The following KIF24 variants were observed in gnomAD, a reference collection of about 807,000 sequenced individuals.
KIF24 encodes kinesin-like protein KIF24.
A neutral mutation model predicts 118.9 loss-of-function variants in KIF24; 81 were observed. That is an observed-to-expected ratio of 0.68 (90% CI 0.57 to 0.82). The LOEUF is 0.82. KIF24 is among the 40% of genes least tolerant of loss of function. The pLI, the probability that KIF24 is intolerant of heterozygous loss-of-function variation, is 0.00. For missense variants in KIF24, 1,560 were observed against 1,661.6 expected, an observed-to-expected ratio of 0.94 and a Z score of 1.06; for synonymous variants, 599 against 610.0, an observed-to-expected ratio of 0.98 and a Z score of 0.27.
At chr9:34,332,138 A>C (rs1212685073), upstream of KIF24, among the ~76,000 whole-genome samples, 1 of 152,188 alleles carries the variant, frequency 6.6e-6, no homozygotes, top group Admixed American at 6.5e-5. Flanking sequence ...AGTCTGACCA[A>C]ATTATACCCT....
chr9:34,289,774 T>C (rs1003589013), intron 5 of KIF24, among the ~76,000 whole-genome samples: 7 of 152,210 alleles, frequency 4.6e-5, no homozygotes, highest in African/African-American at 1.7e-4. Flanking sequence ...GTGTTTACCC[T>C]AAGATTATTT....
At chr9:34,327,157 GAC>G (rs561703889) in intron 1 of KIF24, among the ~76,000 whole-genome samples, 20 of 152,118 alleles carry the variant, frequency 1.3e-4, no homozygotes, top group South Asian at 1.2e-3. Context: ...GGTATACAAT[GAC>G]CATACACTCA....
intron 6 of KIF24, among the ~76,000 whole-genome samples, chr9:34,276,070 T>C (rs1835650132): frequency 6.6e-6 from 1 of 152,078 alleles, no homozygotes; most frequent in African/African-American, 2.4e-5. Context: ...CACTACACTG[T>C]GGGGCACTTA....
At chr9:34,319,141 T>A in intron 1 of KIF24, 1 of 1,574,154 alleles carries the variant, frequency 6.4e-7, no homozygotes, top group Admixed American at 1.7e-5. Flanking sequence ...ACAACTACTA[T>A]GACAATGAGA....
At chr9:34,267,969 A>AG (rs1161640066) in intron 8 of KIF24, among the ~76,000 whole-genome samples, 5 of 152,248 alleles carry the variant, frequency 3.3e-5, no homozygotes, top group African/African-American at 1.2e-4. Context: ...ACACTGATAT[A>AG]GAAAAAATGA....
chr9:34,293,250 C>T (rs7044114), intron 4 of KIF24, among the ~76,000 whole-genome samples: 6,962 of 152,114 alleles, frequency 0.046, 570 homozygotes, highest in African/African-American at 0.16. Context: ...GAGGCTGAGG[C>T]AGGCGGATCA....
At chr9:34,333,257 C>G (rs931621211), upstream of KIF24, among the ~76,000 whole-genome samples, 1 of 152,080 alleles carries the variant, frequency 6.6e-6, no homozygotes, top group Non-Finnish European at 1.5e-5. Context: ...ACGGCCCTCT[C>G]CCCCCAACTA....
At chr9:34,262,676 ATATATATATATATAT>A (rs1262763521) in intron 9 of KIF24, among the ~76,000 whole-genome samples, 1 of 13,238 alleles carries the variant, frequency 7.6e-5, no homozygotes, top group Admixed American at 1.2e-3. Context: ...AAAAAAAAAA[ATATATATATATATAT>A]ATATATATAT....
intron 1 of KIF24, chr9:34,319,434 C>T (rs1216011284): frequency 9.4e-7 from 1 of 1,066,998 alleles, no homozygotes; most frequent in Non-Finnish European, 1.5e-6. Context: ...CAAGAAGGAC[C>T]TGTACCTGAC....
At chr9:34,288,618 G>GAT (rs145909679) in intron 5 of KIF24, among the ~76,000 whole-genome samples, 3,702 of 149,478 alleles carry the variant, frequency 0.025, 140 homozygotes, top group African/African-American at 0.08. Flanking sequence ...CAATTAAATG[G>GAT]ATATATATAT....
rs147748306 is a variant in KIF24, at chr9:34,294,019, G to C, written c.911+2998C>G. Among the ~76,000 whole-genome samples, 864 of 152,300 alleles carry C rather than the reference G, an allele frequency of 5.7e-3. 4 individuals are homozygous for C. The highest frequency in any genetic ancestry group is 0.02 in the Middle Eastern group (6 of 294). On this transcript the variant is annotated intron_variant, in intron 4 of 12. Coordinates refer to ENST00000402558, the MANE Select transcript of KIF24 (RefSeq NM_194313.4). ...GGGTCTTGCTCTGTTGCCCAGGCTGGAGTGTAGTGATCACAGATTATTGCA... is the reference window on the plus strand; with the variant it reads ...GGGTCTTGCTCTGTTGCCCAGGCTGCAGTGTAGTGATCACAGATTATTGCA...
At chr9:34,309,313 G>C (rs1199901305) in intron 2 of KIF24, among the ~76,000 whole-genome samples, 1 of 152,010 alleles carries the variant, frequency 6.6e-6, no homozygotes, top group South Asian at 2.1e-4. Context: ...AGGCTGAGGC[G>C]GGTGGATCAC....
chr9:34,271,211 A>G (rs1019871229), intron 7 of KIF24, among the ~76,000 whole-genome samples: 1 of 152,122 alleles, frequency 6.6e-6, no homozygotes, highest in Admixed American at 6.5e-5. Context: ...TTTATGAGAA[A>G]GTATGACTAA....
intron 4 of KIF24, among the ~76,000 whole-genome samples, chr9:34,292,202 C>T (rs1394072884): frequency 6.6e-6 from 1 of 152,176 alleles, no homozygotes; most frequent in Non-Finnish European, 1.5e-5. Context: ...ACATGAAGAA[C>T]TATTTTCTCC....
intron 6 of KIF24, among the ~76,000 whole-genome samples, chr9:34,278,819 G>A (rs974500773): frequency 3.9e-5 from 6 of 152,082 alleles, no homozygotes; most frequent in Non-Finnish European, 5.9e-5. Context: ...GCTACAATAG[G>A]AAGTAATGAT....
At chr9:34,263,043 T>G in intron 9 of KIF24, 58 bp downstream of exon 9, 35 of 1,308,442 alleles carry the variant, frequency 2.7e-5, no homozygotes, top group Non-Finnish European at 3.5e-5. Context: ...AACAAATACA[T>G]GAAATAAGGA....
chr9:34,288,848 C>CCA (rs10537521), intron 5 of KIF24, among the ~76,000 whole-genome samples: 3,977 of 138,900 alleles, frequency 0.029, 82 homozygotes, highest in African/African-American at 0.054. Context: ...CCCAAATAAA[C>CCA]CACACACACA....
chr9:34,309,288 T>G (rs545257415), intron 2 of KIF24, among the ~76,000 whole-genome samples: 1 of 152,252 alleles, frequency 6.6e-6, no homozygotes, highest in South Asian at 2.1e-4. Context: ...ACGCCTGTAA[T>G]CCCAGCATTT....
At chr9:34,311,699 T>C (rs1432021259) in intron 1 of KIF24, among the ~76,000 whole-genome samples, 1 of 147,238 alleles carries the variant, frequency 6.8e-6, no homozygotes, top group Non-Finnish European at 1.5e-5. Context: ...CGTATATATG[T>C]ACATATATAC....
Sources: allele counts gnomAD v4.1 joint callset (sites outside exome capture counted in the v4.1 genomes callset), GRCh38; gene constraint gnomAD v4.1.1; transcripts MANE v1.5; gene names NCBI Gene and HGNC (gene_info 2026-07-23, HGNC 2026-07-21).